The following SPOCK3 variants were observed in gnomAD, a reference collection of about 807,000 sequenced individuals.
SPOCK3 encodes the protein SPARC (osteonectin), cwcv and kazal like domains proteoglycan 3.
Under a neutral mutation model 56.6 loss-of-function variants are expected in SPOCK3, and 30 were observed. The ratio of observed to expected loss-of-function variants is 0.53; its 90% CI spans 0.40 to 0.72. SPOCK3 has a LOEUF of 0.72. SPOCK3 is among the 30% of genes least tolerant of loss of function. The pLI is 0.00. For missense variants in SPOCK3, 527 were observed against 530.0 expected (o/e 0.99, Z 0.06); for synonymous variants, 196 against 183.3 (o/e 1.07, Z -0.56).
chr4:167,064,571 G>T (rs1477011423), intron 2 of SPOCK3, among the ~76,000 whole-genome samples: 1 of 151,668 alleles, frequency 6.6e-6, no homozygotes, highest in Non-Finnish European at 1.5e-5. Context: ...TGATGACTAT[G>T]ATTCATTCCA....
intron 2 of SPOCK3, among the ~76,000 whole-genome samples, chr4:167,125,858 T>C (rs1762232577): frequency 6.6e-6 from 1 of 152,214 alleles, no homozygotes; most frequent in African/African-American, 2.4e-5. Context: ...CTTCAACATC[T>C]TGGCTTCATT....
intron 2 of SPOCK3, among the ~76,000 whole-genome samples, chr4:167,141,679 A>G (rs1263917536): frequency 1.3e-5 from 2 of 152,062 alleles, no homozygotes; most frequent in Non-Finnish European, 2.9e-5. Flanking sequence ...AAAGATAGCA[A>G]TGGAAAATAG....
chr4:167,103,183 A>C (rs920226928), intron 2 of SPOCK3, among the ~76,000 whole-genome samples: 1 of 152,042 alleles, frequency 6.6e-6, no homozygotes, highest in East Asian at 1.9e-4. Context: ...TTGGTCACTG[A>C]AGAACCAACA....
At chr4:167,001,479 G>A (rs1292509273) in intron 3 of SPOCK3, among the ~76,000 whole-genome samples, 2 of 152,070 alleles carry the variant, frequency 1.3e-5, no homozygotes, top group Non-Finnish European at 2.9e-5. Flanking sequence ...CCTTTATATT[G>A]CTGAATATTA....
At chr4:166,964,236 T>C (rs907587930) in intron 4 of SPOCK3, among the ~76,000 whole-genome samples, 1 of 151,784 alleles carries the variant, frequency 6.6e-6, no homozygotes, top group African/African-American at 2.4e-5. Flanking sequence ...GAATAAACAT[T>C]TCATTTCTTC....
intron 6 of SPOCK3, among the ~76,000 whole-genome samples, chr4:166,868,957 C>T (rs1339773720): frequency 6.6e-6 from 1 of 151,990 alleles, no homozygotes; most frequent in Non-Finnish European, 1.5e-5. Context: ...ATAATCAAGC[C>T]TAATTTTTGG....
At chr4:166,799,060 G>A (rs1161795569) in intron 6 of SPOCK3, among the ~76,000 whole-genome samples, 1 of 152,154 alleles carries the variant, frequency 6.6e-6, no homozygotes, top group Non-Finnish European at 1.5e-5. Context: ...TGGGGGCAAT[G>A]TTGCAGGCTA....
intron 3 of SPOCK3, among the ~76,000 whole-genome samples, chr4:167,019,993 G>C (rs1303257536): frequency 1.3e-5 from 2 of 152,082 alleles, no homozygotes; most frequent in African/African-American, 4.8e-5. Context: ...TGAGTGACTG[G>C]AGCACAAGCC....
chr4:166,870,788 A>G (rs540770821), intron 6 of SPOCK3, among the ~76,000 whole-genome samples: 2 of 152,230 alleles, frequency 1.3e-5, no homozygotes, highest in South Asian at 4.1e-4. Context: ...TCCCCACTCA[A>G]ATCTCATCTT....
chr4:166,735,025 C>T lies in SPOCK3; in HGVS notation c.1198G>A (p.Asp400Asn), dbSNP rs1006424613. ...GDFHEWTDDEDDEDDIMNDED... is the reference protein window; with the variant it reads ...GDFHEWTDDENDEDDIMNDED... ...TCATTCATAATATCGTCTTCATCAT[C>T]CTCATCATCAGTCCATTCATGAAAA... The change falls in exon 11 of 11, where the codon GAT becomes AAT. Residue 400 changes from aspartate (D) to asparagine (N), a missense_variant. Asp to Asn is a conservative substitution (Grantham distance 23). Coordinates refer to ENST00000357545, the MANE Select transcript of SPOCK3 (RefSeq NM_001040159.2). The T allele has an allele frequency of 2.5e-6, 4 of 1,583,006 alleles. No individual in the cohort carries two copies. Among genetic ancestry groups the T allele is most frequent in the Non-Finnish European group, 3.5e-6 (4 of 1,152,936 alleles).
intron 2 of SPOCK3, among the ~76,000 whole-genome samples, chr4:167,127,805 T>A (rs1451508692): frequency 6.6e-6 from 1 of 152,200 alleles, no homozygotes; most frequent in Non-Finnish European, 1.5e-5. Flanking sequence ...ATAGCAAAGA[T>A]CTGAAAAAGT....
intron 4 of SPOCK3, among the ~76,000 whole-genome samples, chr4:166,929,962 T>G (rs972439853): frequency 6.6e-6 from 1 of 152,172 alleles, no homozygotes; most frequent in Non-Finnish European, 1.5e-5. Flanking sequence ...TTAAGAACTA[T>G]TCATCTAAAT....
intron 4 of SPOCK3, among the ~76,000 whole-genome samples, chr4:166,978,273 G>A (rs984643209): frequency 6.6e-6 from 1 of 151,966 alleles, no homozygotes; most frequent in Admixed American, 6.6e-5. Flanking sequence ...TTGCACTCAG[G>A]AGCCCTGATT....
At chr4:166,780,287 T>G (rs1220006141) in intron 7 of SPOCK3, among the ~76,000 whole-genome samples, 2 of 152,144 alleles carry the variant, frequency 1.3e-5, no homozygotes, top group East Asian at 3.9e-4. Flanking sequence ...AATTTATATT[T>G]TCAGTGAATT....
chr4:166,796,448 C>T (rs1219400464), intron 6 of SPOCK3, among the ~76,000 whole-genome samples: 1 of 152,030 alleles, frequency 6.6e-6, no homozygotes, highest in Non-Finnish European at 1.5e-5. Flanking sequence ...AAGTTTTGTT[C>T]CAATAGTATA....
In SPOCK3 at chr4:167,190,880, C is replaced by T. The variant is rs1326964474; in HGVS notation, c.189+43105G>A. 1.4e-5 allele frequency among the ~76,000 whole-genome samples: 2 copies of T among 145,572 alleles called. 1 individual carries two copies. Among genetic ancestry groups the T allele is most frequent in the African/African-American group, 5.2e-5 (2 of 38,152 alleles). ...TTTATAGTAGAGAATATCCAATATC[C>T]TTTTCTCATTTTGTATTCTTGACCC... On this transcript the variant is annotated intron_variant, in intron 2 of 10. Coordinates refer to ENST00000357545, the MANE Select transcript of SPOCK3 (RefSeq NM_001040159.2).
rs1000194777 is a variant in SPOCK3 at position 166,748,770 on chromosome 4, G to T, written c.931+5738C>A. Among the ~76,000 whole-genome samples the T allele has an allele frequency of 2.9e-5, 4 of 136,884 alleles. 2 individuals are homozygous for T. The highest frequency in any genetic ancestry group is 6.2e-5 in the African/African-American group (2 of 32,028). The allele number at this position is 136,884 out of a possible 152,430, so 89.8% of individuals were successfully genotyped here. On this transcript the variant is annotated intron_variant, in intron 8 of 10. Coordinates refer to ENST00000357545, the MANE Select transcript of SPOCK3 (RefSeq NM_001040159.2). ...AGGGCTAACATCCAGAATCCACAAA[G>T]AACTTGAACAAATTTATAAGAAAAA... is the stretch of plus-strand genomic sequence containing the variant.
intron 5 of SPOCK3, among the ~76,000 whole-genome samples, chr4:166,892,920 G>C (rs182302056): frequency 6.6e-6 from 1 of 152,194 alleles, no homozygotes; most frequent in East Asian, 1.9e-4. Context: ...CAAACACTGC[G>C]ACAGGCTGTT....
chr4:166,893,317 A>G (rs754068391), intron 5 of SPOCK3, among the ~76,000 whole-genome samples: 1 of 152,150 alleles, frequency 6.6e-6, no homozygotes, highest in Admixed American at 6.6e-5. Flanking sequence ...CATTCACTAA[A>G]GTAATCCATA....
Sources: gnomAD v4.1 joint callset for allele counts (sites outside exome capture counted in the v4.1 genomes callset) on GRCh38, gnomAD v4.1.1 for gene constraint, MANE v1.5 for transcripts, NCBI Gene and HGNC (gene_info 2026-07-23, HGNC 2026-07-21) for gene names.